Variants in ADAMTS13 observed in about 807,000 individuals in gnomAD.
The protein encoded by ADAMTS13 is A disintegrin and metalloproteinase with thrombospondin motifs 13.
In ADAMTS13, 110 loss-of-function variants were observed where a neutral mutation model predicts 155.1. The ratio of observed to expected loss-of-function variants is 0.71; its 90% confidence interval spans 0.61 to 0.83. The LOEUF is 0.83. ADAMTS13 is among the 40% of genes least tolerant of loss of function. The pLI is 0.00. For synonymous variants in ADAMTS13, 758 were observed against 756.4 expected, an observed-to-expected ratio of 1.00 and a Z score of -0.03; for missense variants, 1,707 against 1,891.7, an observed-to-expected ratio of 0.90 and a Z score of 1.81.
At chr9:133,430,563 T>C (rs587669465) in intron 8 of ADAMTS13, among the ~76,000 whole-genome samples, 1 of 152,338 alleles carries the variant, frequency 6.6e-6, no homozygotes, top group South Asian at 2.1e-4. Context: ...GCATAGGACA[T>C]TCATGGGCTC....
rs1371603314 is a variant in ADAMTS13 at position 133,458,459 on chromosome 9, G to A, written c.3909+365G>A. 2.9e-5 allele frequency among the ~76,000 whole-genome samples: 4 copies of A among 139,396 alleles called. 1 individual carries two copies. The highest frequency in any genetic ancestry group is 1.0e-4 in the African/African-American group (4 of 38,342). 91.4% of individuals were successfully genotyped at this position (139,396 alleles called of 152,430 possible). ...TAATCCCAGCTACTTGGGAGGCTGA[G>A]GCACAAGAATCACTTGAACCCGGGA... On this transcript the variant is annotated intron_variant, in intron 28 of 28. Transcript: ENST00000355699.
intron 23 of ADAMTS13, among the ~76,000 whole-genome samples, chr9:133,451,391 G>A (rs908604907): frequency 2.0e-5 from 3 of 152,152 alleles, no homozygotes; most frequent in Admixed American, 6.5e-5. Flanking sequence ...CCAAGTAGCT[G>A]GGAATACAGG....
chr9:133,455,819 G>T, intron 25 of ADAMTS13: 1 of 780,924 alleles, frequency 1.3e-6, no homozygotes. Context: ...CAGCTTGTGA[G>T]CCCCCTAGCC....
chr9:133,446,317 G>A (rs1456895031), intron 21 of ADAMTS13, among the ~76,000 whole-genome samples: 1 of 152,072 alleles, frequency 6.6e-6, no homozygotes, highest in Non-Finnish European at 1.5e-5. Flanking sequence ...CTGGAGCTCT[G>A]TCCCTGTGAA....
chr9:133,457,664 C>T (rs1554796490), intron 27 of ADAMTS13, among the ~76,000 whole-genome samples: 1 of 152,226 alleles, frequency 6.6e-6, no homozygotes, highest in African/African-American at 2.4e-5. Flanking sequence ...AAAGACCACT[C>T]TGCTCAGTGC....
chr9:133,453,497 A>G (rs1842564736), intron 23 of ADAMTS13, among the ~76,000 whole-genome samples: 2 of 151,288 alleles, frequency 1.3e-5, no homozygotes, highest in Admixed American at 1.3e-4. Context: ...AAACAAACAA[A>G]CAAAAATTAC....
At position 133,438,243 on chromosome 9, in the gene ADAMTS13, T is replaced by C. The variant is rs782229418; in HGVS notation, c.1585-3T>C. On this transcript the variant is annotated splice_region_variant and splice_polypyrimidine_tract_variant and intron_variant, in intron 13 of 28. Transcript: ENST00000355699. ...CGGGCCCTCTGTCCTTCCCTTTGCA[T>C]AGACATTTGGCTGTGATGGTAGGAT... The C allele has an allele frequency of 1.2e-6, 2 of 1,614,086 alleles. No individual in the cohort carries two copies. Among genetic ancestry groups the C allele is most frequent in the South Asian group, 1.1e-5 (1 of 91,078 alleles).
In ADAMTS13 at chr9:133,432,584, C is replaced by T. The variant is rs1554787758; in HGVS notation, c.988-4C>T. The T allele has an allele frequency of 6.4e-7, 1 of 1,550,920 alleles. No homozygotes were observed. Among genetic ancestry groups the T allele is most frequent in the South Asian group, 1.2e-5 (1 of 84,102 alleles). ...GCTCGCCACCCACCTGTCCACCCTC[C>T]TAGGATATGTGCCAGGCCCTCTCCT... is the stretch of plus-strand genomic sequence containing the variant. On this transcript the variant is annotated splice_polypyrimidine_tract_variant and splice_region_variant and intron_variant, in intron 8 of 28. Coordinates refer to ENST00000355699, the MANE Select transcript of ADAMTS13 (RefSeq NM_139027.6).
chr9:133,427,932 C>T (rs921500829), intron 6 of ADAMTS13, among the ~76,000 whole-genome samples: 1 of 152,214 alleles, frequency 6.6e-6, no homozygotes, highest in Non-Finnish European at 1.5e-5. Context: ...TTTGCCATGG[C>T]AATGGCAAAC....
In ADAMTS13 at chr9:133,426,210, A is replaced by G; in HGVS notation, c.551A>G (p.Glu184Gly). ...TTTCTCTCACCGAGGTTTGACCTGG[A>G]GTTGCCTGATGGTAACCGGCAGGTG... ...LVLYITRFDL[E>G]LPDGNRQVRG... is the part of the protein sequence containing the mutation. The change falls in exon 6 of 29, where the codon GAG (glutamate) becomes GGG (glycine). Residue 184 changes from glutamate to glycine, a missense_variant. Glu to Gly is a moderately conservative substitution (Grantham distance 98). Coordinates refer to ENST00000355699, the MANE Select transcript of ADAMTS13 (RefSeq NM_139027.6). 6.2e-7 allele frequency: 1 copy of G among 1,613,936 alleles called. No homozygotes were observed. The highest frequency in any genetic ancestry group is 2.2e-5 in the East Asian group (1 of 44,880).
At position 133,449,931 on chromosome 9, in the gene ADAMTS13, C is replaced by G; in HGVS notation, c.3010C>G (p.Gln1004Glu). The G allele has an allele frequency of 1.2e-6, 2 of 1,610,800 alleles. No individual in the cohort carries two copies. Among genetic ancestry groups the G allele is most frequent in the Non-Finnish European group, 8.5e-7 (1 of 1,179,232 alleles). The change falls in exon 23 of 29, where the codon CAG becomes GAG. Residue 1004 changes from glutamine to glutamate, a missense_variant. Transcript: ENST00000355699. ...QCQGLPRPEP[Q>E]EACSLEPCPP... is the part of the protein sequence containing the mutation. ...CCAGGGGCTGCCTCGCCCGGAACCC[C>G]AGGAGGCCTGCAGCCTGGAGCCCTG... is the stretch of plus-strand genomic sequence containing the variant.
rs1060499780 is a variant in ADAMTS13 at position 133,455,575 on chromosome 9, CG to C, written c.3400+143del. 2 of 1,605,912 alleles carry C rather than the reference CG, an allele frequency of 1.2e-6. No individual in the cohort carries two copies. The highest frequency in any genetic ancestry group is 1.7e-6 in the Non-Finnish European group (2 of 1,179,926). On this transcript the variant is annotated intron_variant, in intron 25 of 28. Transcript: ENST00000355699. ...CTCCCCAGCCTCGGCGGCTCCTGCC[CG>C]GGCCCCAGGAAAACTCAGTGCAGTC...
At chr9:133,436,275 C>G (rs782573033) in intron 11 of ADAMTS13, among the ~76,000 whole-genome samples, 3 of 151,556 alleles carry the variant, frequency 2.0e-5, no homozygotes, top group Non-Finnish European at 4.4e-5. Flanking sequence ...CCTCCCTTTC[C>G]TCCTTCTCCA....
rs1841626964 is a variant in ADAMTS13, at chr9:133,440,978, G to A, written c.1968+453G>A. On this transcript the variant is annotated intron_variant, in intron 16 of 28. Coordinates refer to ENST00000355699, the MANE Select transcript of ADAMTS13 (RefSeq NM_139027.6). This position sits in a 1 kb window ranked among gnomAD's most constrained non-coding sequence, Gnocchi z 4.3. ...GGGAGATGAAGGCATGGACGCAGGTGCAGTGGCATCTGGGGAGTAGGCCTT... is the reference window on the plus strand; with the variant it reads ...GGGAGATGAAGGCATGGACGCAGGTACAGTGGCATCTGGGGAGTAGGCCTT... Among the ~76,000 whole-genome samples the A allele has an allele frequency of 6.6e-6, 1 of 152,192 alleles. No homozygotes were observed. Among genetic ancestry groups the A allele is most frequent in the Admixed American group, 6.5e-5 (1 of 15,278 alleles).
chr9:133,419,764 A>G (rs1170320631), upstream of ADAMTS13, among the ~76,000 whole-genome samples: 1 of 152,116 alleles, frequency 6.6e-6, no homozygotes, highest in Non-Finnish European at 1.5e-5. Context: ...TTTGAGACGG[A>G]GTCTTGCTCT....
Position 133,424,385 on chromosome 9 carries a change from C to T in ADAMTS13, c.237C>T (p.Ile79=). The change falls in exon 3 of 29, where the codon ATC becomes ATT. Residue 79 remains isoleucine (I), a synonymous_variant. Transcript: ENST00000355699. The surrounding 1 kb of genome is among the most constrained non-coding windows in gnomAD (Gnocchi z 4.3). The part of the protein sequence containing the change: ...RQRQRRAAGG[I]LHLELLVAVG... ...GGCAGAGGCGGGCTGCAGGCGGCAT[C>T]CTACACCTGGAGCTGCTGGTGGCCG... 1 of 1,613,634 alleles carries T rather than the reference C, an allele frequency of 6.2e-7. No homozygotes were observed. Among genetic ancestry groups the T allele is most frequent in the South Asian group, 1.1e-5 (1 of 91,072 alleles).
At chr9:133,421,020 C>T (rs1554783013), upstream of ADAMTS13, among the ~76,000 whole-genome samples, 1 of 152,212 alleles carries the variant, frequency 6.6e-6, no homozygotes, top group African/African-American at 2.4e-5. Context: ...AATCCCAGCA[C>T]TTTGGGAGGC....
At chr9:133,429,602 C>T (rs1349985935) in intron 7 of ADAMTS13, 2 of 410,800 alleles carry the variant, frequency 4.9e-6, no homozygotes, top group Non-Finnish European at 4.8e-6. Context: ...CAGTCCCACA[C>T]CCCTATCTCC....
At chr9:133,428,192 G>A (rs1183235115) in intron 6 of ADAMTS13, among the ~76,000 whole-genome samples, 1 of 152,168 alleles carries the variant, frequency 6.6e-6, no homozygotes, top group Non-Finnish European at 1.5e-5. Flanking sequence ...AATGGCCAAG[G>A]GCAAGCACGT....
Sources: gnomAD v4.1 joint callset for allele counts (sites outside exome capture counted in the v4.1 genomes callset) on GRCh38, gnomAD v4.1.1 for gene constraint, Gnocchi (gnomAD v3.1) non-coding constraint, MANE v1.5 for transcripts, NCBI Gene and HGNC (gene_info 2026-07-23, HGNC 2026-07-21) for gene names.